Variants in KLHL15 observed in about 807,000 individuals in gnomAD.
The protein encoded by KLHL15 is kelch like family member 15.
KLHL15 carries 1 observed loss-of-function variant against 29.3 expected under a neutral mutation model. The ratio of observed to expected loss-of-function variants is 0.03; its 90% CI spans 0.01 to 0.16. The LOEUF (loss-of-function observed/expected upper bound fraction) is 0.16, where lower values mean the gene tolerates loss of function less well. Among genes scored for constraint, KLHL15 ranks in the 10% least tolerant of loss-of-function variants. KLHL15 has a pLI of 1.00. For synonymous variants in KLHL15, 212 were observed against 184.5 expected, an observed-to-expected ratio of 1.15 and a Z score of -1.21; for missense variants, 215 against 478.5, an observed-to-expected ratio of 0.45 and a Z score of 5.14.
At chrX:24,022,852 T>A (rs1184490824) in intron 2 of KLHL15, among the ~76,000 whole-genome samples, 12 of 107,017 alleles carry the variant, frequency 1.1e-4, no homozygotes, top group Non-Finnish European at 2.3e-4. Context: ...CCCGAGTAGC[T>A]GGGAATAGAG....
rs59857010 is a variant in KLHL15 at position 23,997,730 on chromosome X, CAA to C, written c.705+8257_705+8258del. On this transcript the variant is annotated intron_variant, in intron 3 of 3. Transcript: ENST00000328046. The stretch of plus-strand genomic sequence containing the variant: ...TGGTCAACAGAGTGAGACTCTGTCT[CAA>C]AAAAAAAAAAAAAAAAAAAAAATTT... Among the ~76,000 whole-genome samples the C allele has an allele frequency of 4.2e-3, 103 of 24,239 alleles. 1 individual carries two copies. The highest frequency in any genetic ancestry group is 0.013 in the African/African-American group (91 of 7,020). The allele number at this position is 24,239 out of a possible 115,157, so 21.0% of individuals were successfully genotyped here.
intron 3 of KLHL15, among the ~76,000 whole-genome samples, chrX:24,005,216 T>C: frequency 8.9e-6 from 1 of 111,754 alleles, no homozygotes; most frequent in East Asian, 2.8e-4. Context: ...GGATCACAAG[T>C]GAAACTCTGA....
chrX:24,014,522 CAAAAA>C (rs1204951591), intron 2 of KLHL15, among the ~76,000 whole-genome samples: 1 of 74,226 alleles, frequency 1.3e-5, no homozygotes, highest in South Asian at 1.1e-3. Flanking sequence ...CTCAAAAAAA[CAAAAA>C]AACAAAAAAA....
intron 3 of KLHL15, among the ~76,000 whole-genome samples, chrX:24,002,258 G>A (rs67566853): frequency 0.24 from 26,295 of 111,507 alleles, 3,878 homozygotes; most frequent in African/African-American, 0.55. Context: ...AAAGACCAAA[G>A]AAAGCAGTTG....
At chrX:24,003,837 C>T (rs1929387189) in intron 3 of KLHL15, among the ~76,000 whole-genome samples, 3 of 108,494 alleles carry the variant, frequency 2.8e-5, no homozygotes, top group East Asian at 5.8e-4. Context: ...TCTATAATCC[C>T]AGCACTCTGG....
chrX:24,023,552 A>AT (rs201889265), intron 2 of KLHL15, among the ~76,000 whole-genome samples: 1,295 of 112,444 alleles, frequency 0.012, 21 homozygotes, highest in African/African-American at 0.04. Flanking sequence ...TTTGTGGACC[A>AT]TTTAAGCCAA....
chrX:24,015,727 G>A (rs1055691980), intron 2 of KLHL15, among the ~76,000 whole-genome samples: 4 of 112,615 alleles, frequency 3.6e-5, no homozygotes, highest in African/African-American at 1.3e-4. Context: ...GACCGGACAC[G>A]GTGGCTCACG....
At chrX:23,997,678 C>G (rs1929217571) in intron 3 of KLHL15, among the ~76,000 whole-genome samples, 1 of 84,954 alleles carries the variant, frequency 1.2e-5, no homozygotes, top group African/African-American at 4.7e-5. Context: ...TTGCAGGGAG[C>G]TGAGATTGTG....
At chrX:24,016,747 A>C (rs971611892) in intron 2 of KLHL15, among the ~76,000 whole-genome samples, 2 of 111,725 alleles carry the variant, frequency 1.8e-5, no homozygotes, top group Admixed American at 1.9e-4. Context: ...ATGGATGTAA[A>C]GCACTTAGTA....
intron 3 of KLHL15, among the ~76,000 whole-genome samples, chrX:24,001,826 A>AAAAAAC (rs1929326279): frequency 1.0e-5 from 1 of 98,091 alleles, no homozygotes; most frequent in Non-Finnish European, 2.0e-5. Flanking sequence ...AAAAAAAAAA[A>AAAAAAC]AGAAGAAGAA....
chrX:24,007,980 G>A (rs779862219), intron 2 of KLHL15, among the ~76,000 whole-genome samples: 1 of 109,954 alleles, frequency 9.1e-6, no homozygotes, highest in African/African-American at 3.3e-5. Context: ...AACTAAATAC[G>A]CATATATTTG....
intron 2 of KLHL15, among the ~76,000 whole-genome samples, chrX:24,017,765 G>A (rs1334911710): frequency 1.2e-5 from 1 of 81,600 alleles, no homozygotes; most frequent in Non-Finnish European, 2.2e-5. Flanking sequence ...GGGCAACAGA[G>A]TGAGACCATG....
intron 3 of KLHL15, among the ~76,000 whole-genome samples, chrX:23,999,972 A>G (rs1432072352): frequency 8.9e-6 from 1 of 112,092 alleles, no homozygotes; most frequent in African/African-American, 3.2e-5. Context: ...GTTAACTGAG[A>G]AAGTACACTT....
At chrX:23,989,422 G>A (rs373811842) in intron 3 of KLHL15, among the ~76,000 whole-genome samples, 1 of 110,923 alleles carries the variant, frequency 9.0e-6, no homozygotes, top group East Asian at 2.8e-4. Flanking sequence ...TGATCCACCC[G>A]CCTCAGCCTC....
intron 2 of KLHL15, among the ~76,000 whole-genome samples, chrX:24,021,420 T>C (rs991842430): frequency 1.8e-5 from 2 of 111,052 alleles, no homozygotes; most frequent in Non-Finnish European, 3.8e-5. Flanking sequence ...ATCTGCCCCA[T>C]CAACCTGACA....
At position 23,987,879 on chromosome X, in the gene KLHL15, CAAAT is replaced by C. The variant is rs1929013322; in HGVS notation, c.*38_*41del. 1 of 1,133,753 alleles carries C rather than the reference CAAAT, an allele frequency of 8.8e-7. No homozygotes were observed. The highest frequency in any genetic ancestry group is 1.2e-6 in the Non-Finnish European group (1 of 848,120). 93.4% of individuals were successfully genotyped at this position (1,133,753 alleles called of 1,213,427 possible). A position where few individuals can be genotyped will look rare whatever the true frequency, so the allele number is the denominator to read the frequency against. On this transcript the variant is annotated 3_prime_UTR_variant, in exon 4 of 4. Coordinates refer to ENST00000328046, the MANE Select transcript of KLHL15 (RefSeq NM_030624.3). ...GTTTTAATTAATTACTCTGTGCAAA[CAAAT>C]ACTTTGTTTGCCTCTTTTTTTAGGG...
At chrX:24,008,660 A>G (rs1375907295) in intron 2 of KLHL15, among the ~76,000 whole-genome samples, 2 of 110,042 alleles carry the variant, frequency 1.8e-5, no homozygotes, top group Non-Finnish European at 3.8e-5. Flanking sequence ...TTCCTCCCCA[A>G]TGACCCATCC....
intron 2 of KLHL15, among the ~76,000 whole-genome samples, chrX:24,017,373 T>A (rs749368008): frequency 1.7e-4 from 19 of 110,927 alleles, no homozygotes; most frequent in African/African-American, 6.2e-4. Context: ...ATAATCATCA[T>A]CATCTTATTA....
chrX:24,008,885 A>AAC (rs1555977258), intron 2 of KLHL15, among the ~76,000 whole-genome samples: 1 of 105,976 alleles, frequency 9.4e-6, no homozygotes, highest in African/African-American at 3.6e-5. Context: ...AAAAAAAAAC[A>AAC]AAACAAAAAA....
Sources: allele counts gnomAD v4.1 joint callset (sites outside exome capture counted in the v4.1 genomes callset), GRCh38; gene constraint gnomAD v4.1.1; transcripts MANE v1.5; gene names NCBI Gene and HGNC (gene_info 2026-07-23, HGNC 2026-07-21).